SLC6A3: variants seen among roughly 807,000 people sequenced by gnomAD.
SLC6A3 encodes the protein solute carrier family 6 member 3.
SLC6A3 carries 19 observed loss-of-function variants against 70.4 expected under a neutral mutation model. The ratio of observed to expected loss-of-function variants is 0.27; its 90% CI spans 0.19 to 0.40. SLC6A3 has a LOEUF of 0.40. Among genes scored for constraint, SLC6A3 ranks in the 10% least tolerant of loss-of-function variants. The pLI, the probability that SLC6A3 is intolerant of heterozygous loss-of-function variation, is 1.00. For missense variants in SLC6A3, 613 were observed against 838.5 expected (o/e 0.73, Z 3.32); for synonymous variants, 368 against 356.6 (o/e 1.03, Z -0.36).
At chr5:1,428,405 T>C (rs1041865302) in intron 4 of SLC6A3, among the ~76,000 whole-genome samples, 1 of 152,166 alleles carries the variant, frequency 6.6e-6, no homozygotes. Flanking sequence ...TTAGGCAGTG[T>C]CGATAAGTAT....
chr5:1,399,316 T>C (rs11564769), intron 14 of SLC6A3, among the ~76,000 whole-genome samples: 18,945 of 152,192 alleles, frequency 0.12, 1,822 homozygotes, highest in African/African-American at 0.27. Context: ...ATACGGAATG[T>C]AGCACATGGA....
In SLC6A3 at chr5:1,405,121, C is replaced by A. The variant is rs1442136117; in HGVS notation, c.1599+1067G>T. Among the ~76,000 whole-genome samples the A allele has an allele frequency of 1.3e-5, 2 of 152,214 alleles. No individual in the cohort carries two copies. Among genetic ancestry groups the A allele is most frequent in the Non-Finnish European group, 2.9e-5 (2 of 68,038 alleles). On this transcript the variant is annotated intron_variant, in intron 12 of 14. Coordinates refer to ENST00000270349, the MANE Select transcript of SLC6A3 (RefSeq NM_001044.5). This position sits in a 1 kb window ranked among gnomAD's most constrained non-coding sequence, Gnocchi z 5.3. ...TGAATCCAGGAACCTTCAACGGGAGCCTTCACAAGCGCAGTTAACTGGACT... is the reference window on the plus strand; with the variant it reads ...TGAATCCAGGAACCTTCAACGGGAGACTTCACAAGCGCAGTTAACTGGACT...
At position 1,404,222 on chromosome 5, in the gene SLC6A3, T is replaced by C. The variant is rs1233529929; in HGVS notation, c.1600-1133A>G. 4.6e-5 allele frequency among the ~76,000 whole-genome samples: 7 copies of C among 152,272 alleles called. No homozygotes were observed. The highest frequency in any genetic ancestry group is 4.1e-4 in the South Asian group (2 of 4,826). The stretch of plus-strand genomic sequence containing the variant: ...GGTTTGGAGCCGGCTAGCGGAGGAC[T>C]GGGATGGGGGCTGGGGTTGTGTCTG... On this transcript the variant is annotated intron_variant, in intron 12 of 14. Coordinates refer to ENST00000270349, the MANE Select transcript of SLC6A3 (RefSeq NM_001044.5). The surrounding 1 kb of genome is among the most constrained non-coding windows in gnomAD (Gnocchi z 5.2).
chr5:1,399,702 A>AGG (rs544659408), intron 14 of SLC6A3, among the ~76,000 whole-genome samples: 30 of 152,318 alleles, frequency 2.0e-4, no homozygotes, highest in African/African-American at 7.0e-4. Context: ...TGTTTGGAGC[A>AGG]GGCAAGTCAC....
At chr5:1,429,567 TA>T (rs1219760400) in intron 4 of SLC6A3, among the ~76,000 whole-genome samples, 1 of 152,228 alleles carries the variant, frequency 6.6e-6, no homozygotes, top group African/African-American at 2.4e-5. Context: ...ATCACTACAC[TA>T]AGTTTTCCTC....
intron 4 of SLC6A3, among the ~76,000 whole-genome samples, chr5:1,422,883 C>T (rs1756483108): frequency 2.1e-5 from 2 of 95,226 alleles, no homozygotes; most frequent in Admixed American, 2.1e-4. Flanking sequence ...GCTGGGTGCC[C>T]ACCGCTGCCC....
chr5:1,396,119 G>C lies in SLC6A3; in HGVS notation c.1840-1361C>G, dbSNP rs1755711970. On this transcript the variant is annotated intron_variant, in intron 14 of 14. Coordinates refer to ENST00000270349, the MANE Select transcript of SLC6A3 (RefSeq NM_001044.5). This position sits in a 1 kb window ranked among gnomAD's most constrained non-coding sequence, Gnocchi z 7.0. ...CAGCAGAGCACACGCAGCTTCCAGA[G>C]ATGAAGTAGAAAAGAGAATGGCTGG... Among the ~76,000 whole-genome samples, 1 of 152,198 alleles carries C rather than the reference G, an allele frequency of 6.6e-6. No homozygotes were observed. Among genetic ancestry groups the C allele is most frequent in the Non-Finnish European group, 1.5e-5 (1 of 68,038 alleles).
intron 6 of SLC6A3, 115 bp downstream of exon 6, chr5:1,420,454 A>G: frequency 7.9e-7 from 1 of 1,264,882 alleles, no homozygotes; most frequent in Non-Finnish European, 1.2e-6. Context: ...TCCCGAGGAA[A>G]GAACCCTGGT....
intron 4 of SLC6A3, among the ~76,000 whole-genome samples, chr5:1,430,073 G>T (rs539159776): frequency 6.6e-6 from 1 of 152,108 alleles, no homozygotes; most frequent in South Asian, 2.1e-4. Flanking sequence ...GGCGATGCTC[G>T]TCCAAGTGTC....
chr5:1,444,347 C>A (rs910106774), intron 1 of SLC6A3, among the ~76,000 whole-genome samples: 14 of 152,086 alleles, frequency 9.2e-5, no homozygotes, highest in Non-Finnish European at 1.9e-4. Context: ...TTCAGTCGAG[C>A]GCACGCACAC....
chr5:1,412,153 T>C (rs1286778014), intron 8 of SLC6A3, among the ~76,000 whole-genome samples: 1 of 152,254 alleles, frequency 6.6e-6, no homozygotes, highest in East Asian at 1.9e-4. Context: ...GCTGAGGTCC[T>C]CCCACCCTCC....
intron 8 of SLC6A3, 88 bp downstream of exon 8, chr5:1,414,603 C>A: frequency 6.7e-7 from 1 of 1,496,898 alleles, no homozygotes; most frequent in Non-Finnish European, 9.1e-7. Flanking sequence ...CATGCGTCTC[C>A]TTCCTCTTTC....
chr5:1,429,632 C>T (rs915812850), intron 4 of SLC6A3, among the ~76,000 whole-genome samples: 1 of 152,222 alleles, frequency 6.6e-6, no homozygotes, highest in African/African-American at 2.4e-5. Flanking sequence ...CCCACACTGC[C>T]CAAACAAAAG....
chr5:1,420,066 A>G (rs576322945), intron 6 of SLC6A3, among the ~76,000 whole-genome samples: 7 of 152,026 alleles, frequency 4.6e-5, no homozygotes, highest in Non-Finnish European at 8.8e-5. Flanking sequence ...CTCTTGCTGC[A>G]TTGTCCTCCC....
chr5:1,425,198 T>A (rs61696543), intron 4 of SLC6A3, among the ~76,000 whole-genome samples: 1 of 152,102 alleles, frequency 6.6e-6, no homozygotes, highest in Non-Finnish European at 1.5e-5. Context: ...GTGGAGCCAC[T>A]GGTGGTGATC....
chr5:1,433,567 A>C (rs915032651), intron 3 of SLC6A3, among the ~76,000 whole-genome samples: 4 of 152,102 alleles, frequency 2.6e-5, no homozygotes, highest in South Asian at 2.1e-4. Context: ...ACGGCCATCC[A>C]CATCCATCCG....
In SLC6A3 at chr5:1,421,541, G is replaced by A. The variant is rs912832424; in HGVS notation, c.792+335C>T. ...GGCCCTTCCCCAAACACAGCCACAC[G>A]TGGACCCAAAACCCAACTGTGCCGT... On this transcript the variant is annotated intron_variant, in intron 5 of 14. Coordinates refer to ENST00000270349, the MANE Select transcript of SLC6A3 (RefSeq NM_001044.5). The surrounding 1 kb of genome is among the most constrained non-coding windows in gnomAD (Gnocchi z 7.2). Among the ~76,000 whole-genome samples the A allele has an allele frequency of 6.6e-6, 1 of 152,046 alleles. No homozygotes were observed. The highest frequency in any genetic ancestry group is 6.6e-5 in the Admixed American group (1 of 15,264).
At chr5:1,434,042 T>G (rs1302734264) in intron 3 of SLC6A3, among the ~76,000 whole-genome samples, 2 of 152,262 alleles carry the variant, frequency 1.3e-5, no homozygotes, top group Non-Finnish European at 2.9e-5. Context: ...GAGCCATCCA[T>G]AGCCATCTAT....
rs540863797 is a variant in SLC6A3, at chr5:1,442,251, A to G, written c.286+661T>C. On this transcript the variant is annotated intron_variant, in intron 2 of 14. Transcript: ENST00000270349. This position sits in a 1 kb window ranked among gnomAD's most constrained non-coding sequence, Gnocchi z 5.0. ...CTTCCCCTCTTCAAGATGGGCATAAAAATGCCAGCCTCCTCGCAGGCATCC... is the reference window on the plus strand; with the variant it reads ...CTTCCCCTCTTCAAGATGGGCATAAGAATGCCAGCCTCCTCGCAGGCATCC... Among the ~76,000 whole-genome samples, 10 of 152,190 alleles carry G rather than the reference A, an allele frequency of 6.6e-5. No homozygotes were observed. The South Asian group carries it at 2.1e-3, about 32-fold the overall frequency.
Sources: gnomAD v4.1 joint callset for allele counts (sites outside exome capture counted in the v4.1 genomes callset) on GRCh38, gnomAD v4.1.1 for gene constraint, Gnocchi (gnomAD v3.1) non-coding constraint, MANE v1.5 for transcripts, NCBI Gene and HGNC (gene_info 2026-07-23, HGNC 2026-07-21) for gene names.